SLC24A2: variants seen among roughly 807,000 people sequenced by gnomAD.
SLC24A2 encodes solute carrier family 24 member 2, also known as sodium/potassium/calcium exchanger 2.
Under a neutral mutation model 62.0 loss-of-function variants are expected in SLC24A2, and 36 were observed. The observed-to-expected ratio is 0.58, with a 90% CI of 0.44 to 0.77. The LOEUF (loss-of-function observed/expected upper bound fraction) is 0.77, where lower values mean the gene tolerates loss of function less well. Ranked by LOEUF, SLC24A2 falls within the 30% of genes least tolerant of loss-of-function variation. SLC24A2 has a pLI of 0.00. For synonymous variants in SLC24A2, 358 were observed against 294.0 expected (o/e 1.22, Z -2.23); for missense variants, 846 against 817.9 (o/e 1.03, Z -0.42).
the SLC24A2 span, among the ~76,000 whole-genome samples, chr9:19,964,726 C>T: frequency 6.6e-6 from 1 of 152,198 alleles, no homozygotes. Flanking sequence ...TTTCTTAGTG[C>T]ACAGGTGTGT....
chr9:19,839,524 G>A, the SLC24A2 span, among the ~76,000 whole-genome samples: 1 of 151,724 alleles, frequency 6.6e-6, no homozygotes, highest in East Asian at 1.9e-4. Flanking sequence ...ACATTCTTTT[G>A]TGTAGTGGAT....
chr9:20,007,817 T>C, the SLC24A2 span, among the ~76,000 whole-genome samples: 1 of 151,440 alleles, frequency 6.6e-6, no homozygotes, highest in Admixed American at 6.6e-5. Flanking sequence ...TTGATGTGTA[T>C]TTTAAGAGAC....
chr9:20,246,242 T>C, the SLC24A2 span, among the ~76,000 whole-genome samples: 2 of 152,206 alleles, frequency 1.3e-5, no homozygotes, highest in Non-Finnish European at 1.5e-5. Flanking sequence ...AGTTATAGCA[T>C]CATCTAAATA....
At chr9:19,831,285 C>T in the SLC24A2 span, among the ~76,000 whole-genome samples, 1 of 152,166 alleles carries the variant, frequency 6.6e-6, no homozygotes, top group African/African-American at 2.4e-5. Flanking sequence ...AGTCTGGCTG[C>T]CAGGGGAGAG....
the SLC24A2 span, among the ~76,000 whole-genome samples, chr9:19,830,548 C>T: frequency 0.085 from 12,975 of 152,102 alleles, 650 homozygotes; most frequent in African/African-American, 0.15. Flanking sequence ...TCATTCGAAA[C>T]CTCAATCCAC....
intron 2 of SLC24A2, among the ~76,000 whole-genome samples, chr9:19,757,374 A>G (rs1017627159): frequency 6.6e-6 from 1 of 152,148 alleles, no homozygotes; most frequent in African/African-American, 2.4e-5. Flanking sequence ...TGATTCATAA[A>G]GTTAGTTGCC....
the SLC24A2 span, among the ~76,000 whole-genome samples, chr9:19,807,091 G>A: frequency 1.3e-5 from 2 of 152,198 alleles, no homozygotes; most frequent in Non-Finnish European, 2.9e-5. Context: ...TCTCATTTGA[G>A]ATTTTCCTTT....
At chr9:20,248,243 C>A in the SLC24A2 span, among the ~76,000 whole-genome samples, 8 of 152,234 alleles carry the variant, frequency 5.3e-5, no homozygotes, top group Non-Finnish European at 1.2e-4. Flanking sequence ...CCCACCAGAT[C>A]TCCAACATGG....
At chr9:19,591,890 T>C (rs1226396513) in intron 5 of SLC24A2, among the ~76,000 whole-genome samples, 1 of 152,256 alleles carries the variant, frequency 6.6e-6, no homozygotes, top group African/African-American at 2.4e-5. Flanking sequence ...TCAGTGTGTA[T>C]GACACAATCT....
the SLC24A2 span, among the ~76,000 whole-genome samples, chr9:19,911,697 C>T: frequency 6.6e-6 from 1 of 152,132 alleles, no homozygotes; most frequent in Non-Finnish European, 1.5e-5. Flanking sequence ...GCTTCTCTTC[C>T]TAGCAATGAG....
the SLC24A2 span, among the ~76,000 whole-genome samples, chr9:19,948,085 A>T: frequency 1.3e-5 from 2 of 152,230 alleles, no homozygotes; most frequent in South Asian, 2.1e-4. Context: ...TAAAATTCTT[A>T]AAAAGAAATC....
Position 19,599,052 on chromosome 9 carries a change from G to C in SLC24A2, c.1079-1773C>G, listed in dbSNP as rs1452888289. Reference sequence around the variant, plus strand: ...GACAATACACCATTGCATTTTTATGGATCCATTTTTGTAGACGCAAACCTC... The same window carrying C: ...GACAATACACCATTGCATTTTTATGCATCCATTTTTGTAGACGCAAACCTC... On this transcript the variant is annotated intron_variant, in intron 4 of 10. Transcript: ENST00000341998. The surrounding 1 kb of genome is among the most constrained non-coding windows in gnomAD (Gnocchi z 4.5). Among the ~76,000 whole-genome samples the C allele has an allele frequency of 6.6e-6, 1 of 152,134 alleles. No individual in the cohort carries two copies. Among genetic ancestry groups the C allele is most frequent in the African/African-American group, 2.4e-5 (1 of 41,422 alleles).
At chr9:20,146,389 C>A in the SLC24A2 span, among the ~76,000 whole-genome samples, 1 of 152,128 alleles carries the variant, frequency 6.6e-6, no homozygotes, top group African/African-American at 2.4e-5. Flanking sequence ...GTGCCACATG[C>A]TCTCTTAGGT....
chr9:20,081,584 C>T, the SLC24A2 span, among the ~76,000 whole-genome samples: 3,704 of 151,846 alleles, frequency 0.024, 156 homozygotes, highest in African/African-American at 0.084. Flanking sequence ...ACATATGTAA[C>T]AAACCTGCAC....
the SLC24A2 span, among the ~76,000 whole-genome samples, chr9:19,831,984 T>C: frequency 6.6e-6 from 1 of 152,234 alleles, no homozygotes; most frequent in Non-Finnish European, 1.5e-5. Flanking sequence ...CCAGCATTAG[T>C]TGGACATTGT....
the SLC24A2 span, among the ~76,000 whole-genome samples, chr9:20,276,060 G>A: frequency 6.6e-6 from 1 of 152,092 alleles, no homozygotes; most frequent in East Asian, 1.9e-4. Flanking sequence ...TTCTGCCCCT[G>A]GCCCCTCCCA....
In SLC24A2 at chr9:19,786,019, T is replaced by C. The variant is rs200166326; in HGVS notation, c.848A>G (p.Asn283Ser). 8 of 1,614,118 alleles carry C rather than the reference T, an allele frequency of 5.0e-6. No homozygotes were observed. The highest frequency in any genetic ancestry group is 2.2e-5 in the East Asian group (1 of 44,888). Residue 283 changes from asparagine (N) to serine (S), a missense_variant, in exon 2 of 11, where the codon AAC becomes AGC. Transcript: ENST00000341998. The surrounding 1 kb of genome is among the most constrained non-coding windows in gnomAD (Gnocchi z 5.0). The stretch of plus-strand genomic sequence containing the variant: ...CTTCACCCATTTTTCTACTTGGACG[T>C]TGAATTTCATGAAAACCACATAGCA... ...YFCYVVFMKF[N>S]VQVEKWVKQM... is the part of the protein sequence containing the mutation.
At chr9:20,245,572 C>T in the SLC24A2 span, among the ~76,000 whole-genome samples, 2 of 152,084 alleles carry the variant, frequency 1.3e-5, no homozygotes, top group African/African-American at 4.8e-5. Context: ...GAAGGTGGAC[C>T]CCCAAGCCAT....
chr9:19,813,317 C>T, the SLC24A2 span, among the ~76,000 whole-genome samples: 1 of 86,272 alleles, frequency 1.2e-5, no homozygotes, highest in South Asian at 4.6e-4. Context: ...TCATCTTCCT[C>T]TTTTTTTTTT....
Sources: allele counts gnomAD v4.1 joint callset (sites outside exome capture counted in the v4.1 genomes callset), GRCh38; gene constraint gnomAD v4.1.1; non-coding constraint Gnocchi (gnomAD v3.1); transcripts MANE v1.5; gene names NCBI Gene and HGNC (gene_info 2026-07-23, HGNC 2026-07-21).